RASSF2: variants seen among roughly 807,000 people sequenced by gnomAD.
RASSF2 encodes the protein Ras association domain family member 2, also known as ras association domain-containing protein 2.
Under a neutral mutation model 46.3 loss-of-function variants are expected in RASSF2, and 34 were observed. The ratio of observed to expected loss-of-function variants is 0.73; its 90% CI spans 0.56 to 0.98. The LOEUF (loss-of-function observed/expected upper bound fraction) is 0.98. Ranked by LOEUF, RASSF2 falls within the 50% of genes least tolerant of loss-of-function variation. The pLI is 0.00. For missense variants in RASSF2, 364 were observed against 431.2 expected, an observed-to-expected ratio of 0.84 and a Z score of 1.38; for synonymous variants, 158 against 162.5, an observed-to-expected ratio of 0.97 and a Z score of 0.21.
At chr20:4,805,782 C>T (rs1389869465) in intron 2 of RASSF2, among the ~76,000 whole-genome samples, 4 of 152,124 alleles carry the variant, frequency 2.6e-5, no homozygotes, top group African/African-American at 7.2e-5. Flanking sequence ...ATGTGGAAAG[C>T]ACACCCTTTG....
At chr20:4,814,904 C>T (rs553659236) in intron 2 of RASSF2, among the ~76,000 whole-genome samples, 12 of 152,288 alleles carry the variant, frequency 7.9e-5, no homozygotes, top group African/African-American at 2.9e-4. Flanking sequence ...GAAAGTCAGC[C>T]CCATGAAAAG....
chr20:4,802,919 T>A (rs1927015595), intron 2 of RASSF2, among the ~76,000 whole-genome samples: 1 of 148,076 alleles, frequency 6.8e-6, no homozygotes, highest in South Asian at 2.1e-4. Flanking sequence ...TATATATTTT[T>A]TTTTTTTGAG....
intron 8 of RASSF2, 135 bp from the exon 9 acceptor site, chr20:4,788,403 C>T (rs911406661): frequency 1.1e-5 from 8 of 750,570 alleles, no homozygotes; most frequent in Admixed American, 2.2e-5. Context: ...TTATCTACAA[C>T]TCTCAGAAGT....
chr20:4,786,199 A>C, intron 11 of RASSF2, 32 bp downstream of exon 11: 1 of 1,536,890 alleles, frequency 6.5e-7, no homozygotes. Flanking sequence ...CCCCAGGAGA[A>C]GTGCACCCAG....
intron 2 of RASSF2, among the ~76,000 whole-genome samples, chr20:4,822,127 C>T (rs1043540024): frequency 2.0e-5 from 3 of 152,240 alleles, no homozygotes; most frequent in African/African-American, 7.2e-5. Flanking sequence ...ATAAGCCTAG[C>T]TGCAGATTCC....
rs192780679 is a variant in RASSF2 at position 4,786,234 on chromosome 20, C to G, written c.908G>C (p.Arg303Pro). Reference sequence around the variant, plus strand: ...GTGCCCCAGAAGCCACACTTACTTGCGCATCAGCTTCTTTACTTCCCGATC... The same window carrying G: ...GTGCCCCAGAAGCCACACTTACTTGGGCATCAGCTTCTTTACTTCCCGATC... ...EEDREVKKLM[R>P]KYTVLRLMIR... The change falls in exon 11 of 12, where the codon CGC becomes CCC. Residue 303 changes from arginine to proline, a missense_variant. Physicochemically the swap from Arg to Pro is moderately radical, Grantham distance 103. Transcript: ENST00000379400. 6.2e-7 allele frequency: 1 copy of G among 1,606,344 alleles called. No individual in the cohort carries two copies. Among genetic ancestry groups the G allele is most frequent in the Non-Finnish European group, 8.5e-7 (1 of 1,173,066 alleles).
At chr20:4,802,897 CATATAT>C (rs368496670) in intron 2 of RASSF2, among the ~76,000 whole-genome samples, 1 of 127,000 alleles carries the variant, frequency 7.9e-6, no homozygotes, top group Non-Finnish European at 1.6e-5. Context: ...TATATATATA[CATATAT>C]ATATATATAT....
chr20:4,798,515 T>C (rs1926565460), intron 3 of RASSF2, among the ~76,000 whole-genome samples: 1 of 152,124 alleles, frequency 6.6e-6, no homozygotes, highest in East Asian at 1.9e-4. Flanking sequence ...AGGACAATAA[T>C]GATAGGCCTT....
In RASSF2 at chr20:4,782,072, T is replaced by G. The variant is rs1356234875; in HGVS notation, c.*2201A>C. 2 of 152,224 alleles carry G rather than the reference T, an allele frequency of 1.3e-5. No homozygotes were observed. The highest frequency in any genetic ancestry group is 2.9e-5 in the Non-Finnish European group (2 of 68,036). The allele number at this position is 152,224 out of a possible 1,614,324, so 9.4% of individuals were successfully genotyped here. On this transcript the variant is annotated 3_prime_UTR_variant, in exon 12 of 12. Coordinates refer to ENST00000379400, the MANE Select transcript of RASSF2 (RefSeq NM_014737.3). ...CTCCTCTCACTTCCACCTCCTGACCTCCCATCTTTAAAAAGCTGAGTCTGC... is the reference window on the plus strand; with the variant it reads ...CTCCTCTCACTTCCACCTCCTGACCGCCCATCTTTAAAAAGCTGAGTCTGC...
rs4499507 is a variant in RASSF2, at chr20:4,814,946, C to T, written c.-33+7383G>A. Among the ~76,000 whole-genome samples the T allele has an allele frequency of 4.3e-3, 657 of 152,336 alleles. 5 individuals carry two copies. Among genetic ancestry groups the T allele is most frequent in the African/African-American group, 0.012 (511 of 41,558 alleles). On this transcript the variant is annotated intron_variant, in intron 2 of 11. Transcript: ENST00000379400. The stretch of plus-strand genomic sequence containing the variant: ...TGCTCCTCCACGTGGCCCGCAGAGG[C>T]GGCTCTATCAAACCTCTGTACACCC...
At chr20:4,789,206 T>C (rs1925639520) in intron 8 of RASSF2, among the ~76,000 whole-genome samples, 2 of 152,182 alleles carry the variant, frequency 1.3e-5, no homozygotes, top group South Asian at 4.1e-4. Context: ...CAGAAGTCAA[T>C]CTTCGCACTG....
intron 2 of RASSF2, among the ~76,000 whole-genome samples, chr20:4,811,409 C>T (rs893329602): frequency 1.1e-4 from 16 of 152,220 alleles, no homozygotes; most frequent in Admixed American, 9.2e-4. Flanking sequence ...TCAATTACAT[C>T]AGACTCTAGG....
At chr20:4,796,017 C>A in intron 4 of RASSF2, 51 bp from the exon 5 acceptor site, 1 of 1,450,136 alleles carries the variant, frequency 6.9e-7, no homozygotes, top group Non-Finnish European at 9.1e-7. Flanking sequence ...CCCACAGAAG[C>A]CAAGACCATG....
At chr20:4,816,118 A>G (rs1928284117) in intron 2 of RASSF2, among the ~76,000 whole-genome samples, 1 of 152,172 alleles carries the variant, frequency 6.6e-6, no homozygotes, top group East Asian at 1.9e-4. Context: ...CTTGGGCAAC[A>G]TGGCAAAACC....
In RASSF2 at chr20:4,782,138, C is replaced by T. The variant is rs1924892235; in HGVS notation, c.*2135G>A. ...TTGGAAAGTGATCTGGCCAACTGGA[C>T]ATGTTGCAGTATTTCCCCATCTAAC... On this transcript the variant is annotated 3_prime_UTR_variant, in exon 12 of 12. Coordinates refer to ENST00000379400, the MANE Select transcript of RASSF2 (RefSeq NM_014737.3). The T allele has an allele frequency of 6.6e-6, 1 of 152,220 alleles. No individual in the cohort carries two copies. Among genetic ancestry groups the T allele is most frequent in the Admixed American group, 6.5e-5 (1 of 15,280 alleles). The allele number at this position is 152,220 out of a possible 1,614,324, so 9.4% of individuals were successfully genotyped here.
intron 11 of RASSF2, among the ~76,000 whole-genome samples, chr20:4,785,155 C>CAAAAAAAAAAAAA (rs11454727): frequency 9.7e-5 from 9 of 92,458 alleles, no homozygotes; most frequent in Middle Eastern, 6.0e-3. Context: ...ACTAAAAATA[C>CAAAAAAAAAAAAA]AAAAAAAAAA....
rs1344766556 is a variant in RASSF2, at chr20:4,801,060, G to C, written c.-30C>G. ...CCTTTCTCTTTTCATCGGAAGGAGA[G>C]GCCTACATTTGGAAGGAGAAGACAG... On this transcript the variant is annotated splice_region_variant and 5_prime_UTR_variant, in exon 3 of 12. Transcript: ENST00000379400. 6.2e-7 allele frequency: 1 copy of C among 1,611,038 alleles called. No individual in the cohort carries two copies. Among genetic ancestry groups the C allele is most frequent in the Non-Finnish European group, 8.5e-7 (1 of 1,177,230 alleles).
chr20:4,794,821 GC>G, intron 5 of RASSF2, among the ~76,000 whole-genome samples: 1 of 152,310 alleles, frequency 6.6e-6, no homozygotes, highest in South Asian at 2.1e-4. Flanking sequence ...TATGGGGTGG[GC>G]AACAATTTTC....
chr20:4,789,332 C>T (rs1008391484), intron 8 of RASSF2, among the ~76,000 whole-genome samples: 18 of 152,158 alleles, frequency 1.2e-4, no homozygotes, highest in South Asian at 2.1e-4. Flanking sequence ...GCTTGTTAGA[C>T]GGCGTCCCTG....
Sources: allele counts gnomAD v4.1 joint callset (sites outside exome capture counted in the v4.1 genomes callset), GRCh38; gene constraint gnomAD v4.1.1; transcripts MANE v1.5; gene names NCBI Gene and HGNC (gene_info 2026-07-23, HGNC 2026-07-21).